The following TBX22 variants were observed in gnomAD, a reference collection of about 807,000 sequenced individuals.
TBX22 encodes the protein T-box transcription factor 22, also known as T-box transcription factor TBX22.
TBX22 carries 8 observed loss-of-function variants against 30.1 expected under a neutral mutation model. That is an observed-to-expected ratio of 0.27 (90% CI 0.16 to 0.48). The LOEUF is 0.48. TBX22 is among the 20% of genes least tolerant of loss of function. TBX22 has a pLI of 0.99. For missense variants in TBX22, 463 were observed against 400.5 expected, an observed-to-expected ratio of 1.16 and a Z score of -1.33; for synonymous variants, 173 against 149.1, an observed-to-expected ratio of 1.16 and a Z score of -1.17.
At position 80,022,155 on chromosome X, in the gene TBX22, C is replaced by G. The variant is rs369326129; in HGVS notation, c.-2-113C>G. 2.0e-5 allele frequency: 14 copies of G among 714,625 alleles called. No individual in the cohort carries two copies. The Admixed American group carries it at 4.0e-4, about 20-fold the overall frequency. The allele number at this position is 714,625 out of a possible 1,213,427, so 58.9% of individuals were successfully genotyped here. ...TTTTGTTTTGTTTTGTTTTGTTTTT[C>G]CCGCTTTCCCTCCTTCCTTCACCCT... On this transcript the variant is annotated intron_variant, in intron 1 of 8. Coordinates refer to ENST00000373296, the MANE Select transcript of TBX22 (RefSeq NM_001109878.2).
Position 80,030,878 on chromosome X carries a change from T to C in TBX22, c.1330T>C (p.Leu444=). Residue 444 remains leucine (L), a synonymous_variant, in exon 9 of 9, where the codon TTA becomes CTA. Transcript: ENST00000373296. The part of the protein sequence containing the change: ...LQAPNSTNQM[L]YGLQSPGNIF... ...AGCACCTAATTCTACCAATCAAATGTTATATGGATTACAGTCACCTGGAAA... is the reference window on the plus strand; with the variant it reads ...AGCACCTAATTCTACCAATCAAATGCTATATGGATTACAGTCACCTGGAAA... 2 of 1,211,801 alleles carry C rather than the reference T, an allele frequency of 1.7e-6. No homozygotes were observed. Among genetic ancestry groups the C allele is most frequent in the East Asian group, 5.9e-5 (2 of 33,838 alleles).
rs755429155 is a variant in TBX22, at chrX:80,023,235, G to C, written c.351G>C (p.Ala117=). Residue 117 remains alanine, a synonymous_variant, in exon 3 of 9, where the codon GCG becomes GCC. Transcript: ENST00000373296. ...GGACTGAGATGATCATTACTAAAGC[G>C]GGCAGGTTCGGTTCTGCCCAAGCTG... ...DIGTEMIITK[A]GRRMFPSVRV... The C allele has an allele frequency of 9.1e-6, 11 of 1,210,872 alleles. No individual in the cohort carries two copies. Among genetic ancestry groups the C allele is most frequent in the Non-Finnish European group, 1.1e-5 (10 of 894,889 alleles).
At position 80,024,273 on chromosome X, in the gene TBX22, G is replaced by A. The variant is rs183164031; in HGVS notation, c.458+109G>A. ...CTTTGAAAACTCTAGCATGGGGGGT[G>A]GGAGTGGGGGATTGCTCTCCTGTGG... On this transcript the variant is annotated intron_variant, in intron 4 of 8. Transcript: ENST00000373296. 1.1e-4 allele frequency: 74 copies of A among 682,142 alleles called. No homozygotes were observed. In the African/African-American group the frequency reaches 1.1e-3, roughly 10 times the overall value. 56.2% of individuals were successfully genotyped at this position (682,142 alleles called of 1,213,427 possible).
In TBX22 at chrX:80,022,374, G is replaced by A; in HGVS notation, c.105G>A (p.Leu35=). The A allele has an allele frequency of 8.3e-7, 1 of 1,210,601 alleles. No individual in the cohort carries two copies. Among genetic ancestry groups the A allele is most frequent in the Admixed American group, 2.2e-5 (1 of 46,007 alleles). ...QDPIQAEQPE[L]REKKGGEEEE... ...CAATACAGGCGGAGCAGCCTGAGCT[G>A]CGGGAGAAAAAGGGCGGAGAGGAAG... Residue 35 remains leucine, a synonymous_variant, in exon 2 of 9, where the codon CTG becomes CTA. Transcript: ENST00000373296.
At chrX:80,023,727 C>T (rs1263275834) in intron 3 of TBX22, among the ~76,000 whole-genome samples, 1 of 111,819 alleles carries the variant, frequency 8.9e-6, no homozygotes, top group Non-Finnish European at 1.9e-5. Context: ...TTCCACAAAT[C>T]TGCCTCACAG....
chrX:80,022,563 C>A, intron 2 of TBX22, 119 bp downstream of exon 2: 1 of 734,603 alleles, frequency 1.4e-6, no homozygotes, highest in Non-Finnish European at 2.1e-6. Context: ...ACACCTCGAC[C>A]ACCTGGTGAA....
intron 3 of TBX22, among the ~76,000 whole-genome samples, chrX:80,023,509 A>C (rs1026119084): frequency 2.7e-5 from 3 of 111,268 alleles, no homozygotes; most frequent in Non-Finnish European, 3.8e-5. Flanking sequence ...GTATAAGACA[A>C]AAATCAGACT....
chrX:80,020,738 T>A (rs1448234534), intron 1 of TBX22, among the ~76,000 whole-genome samples: 3 of 111,836 alleles, frequency 2.7e-5, no homozygotes, highest in Non-Finnish European at 3.8e-5. Flanking sequence ...CATTTGTACC[T>A]AAGTAGCTGA....
chrX:80,025,984 G>C (rs1377071444), intron 5 of TBX22, among the ~76,000 whole-genome samples: 1 of 111,530 alleles, frequency 9.0e-6, no homozygotes, highest in African/African-American at 3.3e-5. Flanking sequence ...ACTGGGGATG[G>C]TGAATATAGG....
At position 80,031,291 on chromosome X, in the gene TBX22, T is replaced by C. The variant is rs1408351453; in HGVS notation, c.*180T>C. On this transcript the variant is annotated 3_prime_UTR_variant, in exon 9 of 9. Transcript: ENST00000373296. ...AATATTCATGAAGAGTTGTTTATAA[T>C]GTCAAATGAAACCTACAGGAATCTC... 2.1e-6 allele frequency: 1 copy of C among 469,759 alleles called. No homozygotes were observed. The highest frequency in any genetic ancestry group is 3.5e-6 in the Non-Finnish European group (1 of 284,908). The allele number at this position is 469,759 out of a possible 1,213,427, so 38.7% of individuals were successfully genotyped here. A position where few individuals can be genotyped will look rare whatever the true frequency, so the allele number is the denominator to read the frequency against.
At chrX:80,023,492 C>T (rs1250411597) in intron 3 of TBX22, among the ~76,000 whole-genome samples, 1 of 111,235 alleles carries the variant, frequency 9.0e-6, no homozygotes, top group East Asian at 2.8e-4. Context: ...CGTCTCCTGC[C>T]TGTGTAGTAT....
chrX:80,024,497 T>G (rs1020523316), intron 4 of TBX22, among the ~76,000 whole-genome samples: 1 of 110,841 alleles, frequency 9.0e-6, no homozygotes, highest in African/African-American at 3.3e-5. Flanking sequence ...TGGGCTCTGG[T>G]GGTCAGAAGG....
intron 1 of TBX22, among the ~76,000 whole-genome samples, chrX:80,015,683 G>A (rs933015769): frequency 8.9e-6 from 1 of 111,736 alleles, no homozygotes; most frequent in Non-Finnish European, 1.9e-5. Context: ...CTAGAGAAGG[G>A]GACTACAGAA....
At position 80,021,520 on chromosome X, in the gene TBX22, T is replaced by C. The variant is rs151173386; in HGVS notation, c.-2-748T>C. 4.1e-3 allele frequency among the ~76,000 whole-genome samples: 466 copies of C among 112,451 alleles called. 2 individuals carry two copies. Among genetic ancestry groups the C allele is most frequent in the African/African-American group, 0.014 (448 of 30,959 alleles). On this transcript the variant is annotated intron_variant, in intron 1 of 8. Coordinates refer to ENST00000373296, the MANE Select transcript of TBX22 (RefSeq NM_001109878.2). The stretch of plus-strand genomic sequence containing the variant: ...TTCACTGGAGAGCAAAAGACCCTGA[T>C]ACATCTCTCCGGATCTGCTTAAAGT...
In TBX22 at chrX:80,026,767, G is replaced by A. The variant is rs370372482; in HGVS notation, c.697G>A (p.Val233Ile). ...RVHVIEQGSS[V>I]DLSQIQSLPT... ...GCACGTGATAGAGCAAGGCAGCAGT[G>A]TTGACCTGTCCCAGATTCAGTCCTT... Residue 233 changes from valine to isoleucine, a missense_variant, in exon 6 of 9, where the codon GTT becomes ATT. Val to Ile is a conservative substitution (Grantham distance 29). Transcript: ENST00000373296. 21 of 1,209,376 alleles carry A rather than the reference G, an allele frequency of 1.7e-5. No homozygotes were observed. Among genetic ancestry groups the A allele is most frequent in the Non-Finnish European group, 2.3e-5 (21 of 894,598 alleles).
chrX:80,021,016 CAT>C (rs1355814306), intron 1 of TBX22, among the ~76,000 whole-genome samples: 1 of 111,269 alleles, frequency 9.0e-6, no homozygotes, highest in Non-Finnish European at 1.9e-5. Flanking sequence ...GCAGACATCT[CAT>C]ATCTGCATAC....
chrX:80,022,996 C>T, intron 2 of TBX22, 64 bp from the exon 3 acceptor site: 1 of 1,109,644 alleles, frequency 9.0e-7, no homozygotes, highest in South Asian at 1.9e-5. Flanking sequence ...TAGGCACCAG[C>T]GAGAAGTGGG....
chrX:80,017,005 C>CAAAAAAAAAAAAAAAAAAAAAAACAAAA (rs1270817239), intron 1 of TBX22, among the ~76,000 whole-genome samples: 1 of 29,297 alleles, frequency 3.4e-5, no homozygotes, highest in Non-Finnish European at 5.6e-5. Context: ...GATTCTGTCT[C>CAAAAAAAAAAAAAAAAAAAAAAACAAAA]AAAAAAAAAA....
At chrX:80,018,359 C>T (rs181284790) in intron 1 of TBX22, among the ~76,000 whole-genome samples, 1,339 of 111,921 alleles carry the variant, frequency 0.012, 21 homozygotes, top group African/African-American at 0.04. Flanking sequence ...TTCTAGAAGA[C>T]ATGTTTCCTA....
Sources: allele counts gnomAD v4.1 joint callset (sites outside exome capture counted in the v4.1 genomes callset), GRCh38; gene constraint gnomAD v4.1.1; transcripts MANE v1.5; gene names NCBI Gene and HGNC (gene_info 2026-07-23, HGNC 2026-07-21).